Variants in SETD5 observed in about 807,000 individuals in gnomAD.
The protein encoded by SETD5 is histone-lysine N-methyltransferase SETD5.
Under a neutral mutation model 153.3 loss-of-function variants are expected in SETD5, and 44 were observed. That is an observed-to-expected ratio of 0.29 (90% CI 0.23 to 0.37). The LOEUF is 0.37. SETD5 is among the 10% of genes least tolerant of loss of function. The pLI is 1.00. For synonymous variants in SETD5, 716 were observed against 645.2 expected, an observed-to-expected ratio of 1.11 and a Z score of -1.66; for missense variants, 1,544 against 1,768.0, an observed-to-expected ratio of 0.87 and a Z score of 2.27.
rs2040345997 is a variant in SETD5 at position 9,434,614 on chromosome 3, C to T, written c.329+129C>T. 5 of 1,494,324 alleles carry T rather than the reference C, an allele frequency of 3.3e-6. No individual in the cohort carries two copies. The highest frequency in any genetic ancestry group is 2.4e-5 in the East Asian group (1 of 40,944). The allele number at this position is 1,494,324 out of a possible 1,614,324, so 92.6% of individuals were successfully genotyped here. A position where few individuals can be genotyped will look rare whatever the true frequency, so the allele number is the denominator to read the frequency against. On this transcript the variant is annotated intron_variant, in intron 5 of 22. Transcript: ENST00000402198. This position sits in a 1 kb window ranked among gnomAD's most constrained non-coding sequence, Gnocchi z 5.6. ...GATGATTCCTTAGTGCTCCTTGGCT[C>T]GAATTCTCTGCACTAGGTGAGAATT...
Position 9,458,300 on chromosome 3 carries a change from A to G in SETD5, c.2476+4432A>G, listed in dbSNP as rs1168213864. 2.0e-5 allele frequency among the ~76,000 whole-genome samples: 3 copies of G among 152,174 alleles called. No individual in the cohort carries two copies. In the South Asian group the frequency reaches 6.2e-4, roughly 32 times the overall value. ...CTTTGCCAAAGAAAATTCTAGGCAC[A>G]TTCAAATATATATATTTTTTTAATT... On this transcript the variant is annotated intron_variant, in intron 17 of 22. Coordinates refer to ENST00000402198, the MANE Select transcript of SETD5 (RefSeq NM_001080517.3).
intron 18 of SETD5, 136 bp from the exon 19 acceptor site, chr3:9,470,323 T>A (rs1412008980): frequency 2.9e-6 from 2 of 691,988 alleles, no homozygotes; most frequent in African/African-American, 3.6e-5. Flanking sequence ...TTTTACAGAA[T>A]ATAATGGCTT....
intron 3 of SETD5, chr3:9,432,122 C>A (rs1217442851): frequency 1.6e-5 from 3 of 183,896 alleles, no homozygotes; most frequent in African/African-American, 7.2e-5. Flanking sequence ...GAGCCATGTT[C>A]AGATCATCTT....
intron 1 of SETD5, among the ~76,000 whole-genome samples, chr3:9,413,303 G>A (rs1273230174): frequency 6.6e-6 from 1 of 152,308 alleles, no homozygotes; most frequent in Non-Finnish European, 1.5e-5. Context: ...TTCCTGAAGA[G>A]AAGATTGAGG....
At chr3:9,433,448 C>G in intron 3 of SETD5, 1 of 1,289,936 alleles carries the variant, frequency 7.8e-7, no homozygotes, top group South Asian at 1.2e-5. Context: ...ATCTCACTCA[C>G]TGCAAATGTC....
chr3:9,398,796 G>A (rs949657362), intron 1 of SETD5, among the ~76,000 whole-genome samples: 1 of 152,166 alleles, frequency 6.6e-6, no homozygotes, highest in African/African-American at 2.4e-5. Flanking sequence ...CGCATGAGAG[G>A]GAAAGTTAAA....
At chr3:9,465,099 G>A (rs1005637673) in intron 18 of SETD5, 2 of 189,080 alleles carry the variant, frequency 1.1e-5, no homozygotes, top group African/African-American at 4.6e-5. Context: ...TAAGTGAAGT[G>A]TCTTTCCCAG....
intron 20 of SETD5, 147 bp from the exon 21 acceptor site, chr3:9,474,302 G>T: frequency 1.3e-6 from 1 of 790,846 alleles, no homozygotes; most frequent in Non-Finnish European, 1.9e-6. Flanking sequence ...CATAGTTGGA[G>T]GCAGAGGAAA....
chr3:9,468,383 C>G (rs903666942), intron 18 of SETD5: 2 of 477,856 alleles, frequency 4.2e-6, no homozygotes, highest in Non-Finnish European at 3.7e-6. Flanking sequence ...AATATTTCCC[C>G]TATGCATTCT....
intron 1 of SETD5, among the ~76,000 whole-genome samples, chr3:9,409,782 T>C (rs893123177): frequency 6.6e-6 from 1 of 152,242 alleles, no homozygotes; most frequent in Non-Finnish European, 1.5e-5. Flanking sequence ...ACTTGGTATT[T>C]TAAAAGCTGC....
At chr3:9,407,511 G>GTA (rs906091320) in intron 1 of SETD5, among the ~76,000 whole-genome samples, 2 of 152,070 alleles carry the variant, frequency 1.3e-5, no homozygotes, top group African/African-American at 4.8e-5. Flanking sequence ...GTTTGCAGTA[G>GTA]TACACCGAGC....
At chr3:9,436,973 T>A in intron 7 of SETD5, 1 of 1,229,448 alleles carries the variant, frequency 8.1e-7, no homozygotes, top group Non-Finnish European at 1.2e-6. Flanking sequence ...ATTGATGGTC[T>A]GGGAATCTTG....
At chr3:9,415,044 A>G (rs1282060181) in intron 1 of SETD5, among the ~76,000 whole-genome samples, 5 of 152,178 alleles carry the variant, frequency 3.3e-5, no homozygotes, top group African/African-American at 1.2e-4. Flanking sequence ...TTTGGGGTCA[A>G]ACTCTGATAT....
chr3:9,451,834 T>A (rs1315805118), intron 16 of SETD5, among the ~76,000 whole-genome samples: 3 of 152,192 alleles, frequency 2.0e-5, no homozygotes, highest in Non-Finnish European at 4.4e-5. Context: ...ACCTTTAAAA[T>A]ATTTATCCAT....
chr3:9,430,872 A>G, intron 3 of SETD5: 1 of 985,448 alleles, frequency 1.0e-6, no homozygotes, highest in African/African-American at 1.7e-5. Context: ...AACATATCCT[A>G]GGATTTCCTG....
chr3:9,442,870 T>C (rs2041469430), intron 10 of SETD5: 1 of 171,338 alleles, frequency 5.8e-6, no homozygotes, highest in Non-Finnish European at 1.3e-5. Flanking sequence ...ACCCCGTCTC[T>C]ACTAAAAAAA....
At chr3:9,429,256 A>G (rs1441132568) in intron 3 of SETD5, 1 of 269,058 alleles carries the variant, frequency 3.7e-6, no homozygotes, top group Non-Finnish European at 7.1e-6. Flanking sequence ...CAAAGTAGGA[A>G]TTCATTTTCA....
At chr3:9,455,601 G>A (rs750152088) in intron 17 of SETD5, among the ~76,000 whole-genome samples, 1 of 152,072 alleles carries the variant, frequency 6.6e-6, no homozygotes, top group Non-Finnish European at 1.5e-5. Context: ...AATATGAATA[G>A]TATAAAGAAA....
At chr3:9,403,489 G>T (rs62246276) in intron 1 of SETD5, among the ~76,000 whole-genome samples, 17,682 of 152,202 alleles carry the variant, frequency 0.12, 1,402 homozygotes, top group Non-Finnish European at 0.18. Context: ...TGAAATAGTT[G>T]CTCGTAGTTG....
Sources: allele counts gnomAD v4.1 joint callset (sites outside exome capture counted in the v4.1 genomes callset), GRCh38; gene constraint gnomAD v4.1.1; non-coding constraint Gnocchi (gnomAD v3.1); transcripts MANE v1.5; gene names NCBI Gene and HGNC (gene_info 2026-07-23, HGNC 2026-07-21).